ENTPD7: variants seen among roughly 807,000 people sequenced by gnomAD.
ENTPD7 encodes ectonucleoside triphosphate diphosphohydrolase 7.
Under a neutral mutation model 77.9 loss-of-function variants are expected in ENTPD7, and 53 were observed. That is an observed-to-expected ratio of 0.68 (90% confidence interval 0.55 to 0.85). The LOEUF (loss-of-function observed/expected upper bound fraction) is 0.85, where lower values mean the gene tolerates loss of function less well. ENTPD7 is among the 40% of genes least tolerant of loss of function. The pLI, the probability that ENTPD7 is intolerant of heterozygous loss-of-function variation, is 0.00. For synonymous variants in ENTPD7, 248 were observed against 274.9 expected (o/e 0.90, Z 0.97); for missense variants, 636 against 743.7 (o/e 0.86, Z 1.68).
rs2036275156 is a variant in ENTPD7 at position 99,707,460 on chromosome 10, T to G, written c.*2777T>G. Among the ~76,000 whole-genome samples, 1 of 152,266 alleles carries G rather than the reference T, an allele frequency of 6.6e-6. No individual in the cohort carries two copies. The stretch of plus-strand genomic sequence containing the variant: ...TCCTTATAATAAAATAATTTGCTTC[T>G]AGGAGCAGAAATCTATCTTGCCATA... On this transcript the variant is annotated 3_prime_UTR_variant, in exon 13 of 13. Coordinates refer to ENST00000370489, the MANE Select transcript of ENTPD7 (RefSeq NM_020354.5).
At chr10:99,682,631 G>A (rs1160333964) in intron 5 of ENTPD7, among the ~76,000 whole-genome samples, 11 of 152,262 alleles carry the variant, frequency 7.2e-5, no homozygotes. Flanking sequence ...GTTTCGTTTT[G>A]TTGTATTCCC....
intron 6 of ENTPD7, among the ~76,000 whole-genome samples, chr10:99,688,433 G>A (rs1309884458): frequency 6.6e-6 from 1 of 152,044 alleles, no homozygotes; most frequent in Admixed American, 6.5e-5. Context: ...ATATCTTCGT[G>A]ACATTCAGAT....
At chr10:99,701,504 T>C (rs2036126966) in intron 11 of ENTPD7, among the ~76,000 whole-genome samples, 1 of 151,406 alleles carries the variant, frequency 6.6e-6, no homozygotes, top group Non-Finnish European at 1.5e-5. Flanking sequence ...GCCAGGCTGG[T>C]CTTGAACTCC....
intron 6 of ENTPD7, among the ~76,000 whole-genome samples, chr10:99,687,422 C>T (rs757100898): frequency 2.0e-5 from 3 of 151,562 alleles, no homozygotes; most frequent in African/African-American, 7.3e-5. Flanking sequence ...TGTGCCACCA[C>T]GCCTGGCTAA....
At chr10:99,677,696 G>GT in intron 3 of ENTPD7, among the ~76,000 whole-genome samples, 1 of 152,084 alleles carries the variant, frequency 6.6e-6, no homozygotes, top group East Asian at 1.9e-4. Flanking sequence ...TCAACTCTTA[G>GT]TCTTCTTTAT....
At chr10:99,691,177 T>C (rs1365520496) in intron 7 of ENTPD7, among the ~76,000 whole-genome samples, 3 of 151,936 alleles carry the variant, frequency 2.0e-5, no homozygotes, top group African/African-American at 7.3e-5. Context: ...TTTTTTTTTA[T>C]GAGAGTGTCT....
intron 3 of ENTPD7, among the ~76,000 whole-genome samples, chr10:99,668,960 A>G (rs978113927): frequency 6.6e-6 from 1 of 152,118 alleles, no homozygotes; most frequent in South Asian, 2.1e-4. Flanking sequence ...ACGTGTCTTC[A>G]TGGGAGCAAG....
intron 7 of ENTPD7, among the ~76,000 whole-genome samples, chr10:99,690,130 C>A (rs1415357489): frequency 6.6e-6 from 1 of 152,144 alleles, no homozygotes; most frequent in Non-Finnish European, 1.5e-5. Flanking sequence ...TTTAATATGA[C>A]CCCAATACTC....
chr10:99,710,652 AC>A lies in ENTPD7; in HGVS notation c.*5970del. ...GTGATGCATTCTCCCTTATGCAGGGACATGGGTATATGTGTTACATATGCTG... is the reference window on the plus strand; with the variant it reads ...GTGATGCATTCTCCCTTATGCAGGGAATGGGTATATGTGTTACATATGCTG... On this transcript the variant is annotated 3_prime_UTR_variant, in exon 13 of 13. Coordinates refer to ENST00000370489, the MANE Select transcript of ENTPD7 (RefSeq NM_020354.5). 1 of 985,404 alleles carries A rather than the reference AC, an allele frequency of 1.0e-6. No individual in the cohort carries two copies. The highest frequency in any genetic ancestry group is 1.2e-6 in the Non-Finnish European group (1 of 829,906). The allele number at this position is 985,404 out of a possible 1,614,324, so 61.0% of individuals were successfully genotyped here.
intron 2 of ENTPD7, chr10:99,660,523 TACGC>T (rs2035466359): frequency 3.2e-5 from 11 of 348,832 alleles, no homozygotes; most frequent in Middle Eastern, 4.0e-4. Context: ...AGGGAATGGA[TACGC>T]ACACACACAC....
At chr10:99,703,839 A>T (rs961398576) in intron 12 of ENTPD7, among the ~76,000 whole-genome samples, 1 of 152,104 alleles carries the variant, frequency 6.6e-6, no homozygotes, top group African/African-American at 2.4e-5. Flanking sequence ...CTCCTGCCTC[A>T]GCCTTCTGAG....
Position 99,707,429 on chromosome 10 carries a change from A to G in ENTPD7, c.*2746A>G, listed in dbSNP as rs1439332322. Among the ~76,000 whole-genome samples the G allele has an allele frequency of 2.0e-5, 3 of 152,248 alleles. No individual in the cohort carries two copies. Among genetic ancestry groups the G allele is most frequent in the Non-Finnish European group, 4.4e-5 (3 of 68,046 alleles). On this transcript the variant is annotated 3_prime_UTR_variant, in exon 13 of 13. Transcript: ENST00000370489. ...TGCTGAGAGCCAATTACTTAAATAT[A>G]TTTCTTCCTTATAATAAAATAATTT...
At position 99,710,698 on chromosome 10, in the gene ENTPD7, T is replaced by A. The variant is rs959493196; in HGVS notation, c.*6015T>A. 7.1e-6 allele frequency: 7 copies of A among 985,448 alleles called. No homozygotes were observed. The Admixed American group carries it at 2.5e-4, about 35-fold the overall frequency. The allele number at this position is 985,448 out of a possible 1,614,324, so 61.0% of individuals were successfully genotyped here. ...ATGCTGATATATAACCCACCATTCATCCCAGGACCACAAGGGTAGCTGTAG... is the reference window on the plus strand; with the variant it reads ...ATGCTGATATATAACCCACCATTCAACCCAGGACCACAAGGGTAGCTGTAG... On this transcript the variant is annotated 3_prime_UTR_variant, in exon 13 of 13. Transcript: ENST00000370489.
Position 99,709,931 on chromosome 10 carries a change from A to G in ENTPD7, c.*5248A>G. The G allele has an allele frequency of 1.0e-6, 1 of 985,456 alleles. No individual in the cohort carries two copies. The highest frequency in any genetic ancestry group is 1.2e-6 in the Non-Finnish European group (1 of 829,906). 61.0% of individuals were successfully genotyped at this position (985,456 alleles called of 1,614,324 possible). The stretch of plus-strand genomic sequence containing the variant: ...GAGATCCTTTTATTAGTAAAACTGA[A>G]TCATTACTCATACTACAAGGGCTTT... On this transcript the variant is annotated 3_prime_UTR_variant, in exon 13 of 13. Transcript: ENST00000370489.
intron 7 of ENTPD7, among the ~76,000 whole-genome samples, chr10:99,689,635 T>C (rs2035856207): frequency 6.6e-6 from 1 of 152,250 alleles, no homozygotes; most frequent in African/African-American, 2.4e-5. Flanking sequence ...AGTTTTGTAA[T>C]GTCTGGTTGA....
rs564939891 is a variant in ENTPD7 at position 99,676,592 on chromosome 10, A to AT, written c.192-2666dup. Among the ~76,000 whole-genome samples the AT allele has an allele frequency of 5.1e-4, 78 of 152,274 alleles. No individual in the cohort carries two copies. The South Asian group carries it at 0.01, about 20-fold the overall frequency. ...GGAATGGGGGTGGATTATCTTGCCT[A>AT]TTTCTTTTTTATCTTTGGCCTTTTG... On this transcript the variant is annotated intron_variant, in intron 3 of 12. Transcript: ENST00000370489.
chr10:99,702,663 T>G lies in ENTPD7; in HGVS notation c.1573T>G (p.Leu525Val). ...AGCCATTCTATATAAAACACGATTCTTACCACTCAGGTAAAGTAAGACTGA... is the reference window on the plus strand; with the variant it reads ...AGCCATTCTATATAAAACACGATTCGTACCACTCAGGTAAAGTAAGACTGA... ...LGAILYKTRF[L>V]PLRDLRQEGV... Residue 525 changes from leucine to valine, a missense_variant, in exon 12 of 13, where the codon TTA becomes GTA. Physicochemically the swap from Leu to Val is conservative, Grantham distance 32 (BLOSUM62 1). Around this residue, in one of 3 missense-constraint regions of ENTPD7, gnomAD observed 138 missense variants for 150.9 expected, o/e 0.91. Transcript: ENST00000370489. 6.2e-7 allele frequency: 1 copy of G among 1,610,946 alleles called. No homozygotes were observed. The highest frequency in any genetic ancestry group is 1.1e-5 in the South Asian group (1 of 90,342).
chr10:99,667,302 T>A (rs984654950), intron 3 of ENTPD7, among the ~76,000 whole-genome samples: 3 of 152,198 alleles, frequency 2.0e-5, no homozygotes, highest in Non-Finnish European at 4.4e-5. Context: ...AAACATTTAT[T>A]GAGGGTTTGC....
chr10:99,666,253 G>A (rs1412584783), intron 3 of ENTPD7, among the ~76,000 whole-genome samples: 4 of 151,958 alleles, frequency 2.6e-5, no homozygotes, highest in African/African-American at 9.7e-5. Context: ...TGTCACCCAG[G>A]CCGGAGTGCA....
Sources: allele counts gnomAD v4.1 joint callset (sites outside exome capture counted in the v4.1 genomes callset), GRCh38; gene constraint gnomAD v4.1.1; regional missense constraint gnomAD v4.1.1; transcripts MANE v1.5; gene names NCBI Gene and HGNC (gene_info 2026-07-23, HGNC 2026-07-21).